CCDC33: variants seen among roughly 807,000 people sequenced by gnomAD.
The protein encoded by CCDC33 is coiled-coil domain containing 33.
In CCDC33, 94 loss-of-function variants were observed where a neutral mutation model predicts 91.9. The observed-to-expected ratio is 1.02, with a 90% confidence interval of 0.87 to 1.21. CCDC33 has a LOEUF of 1.21. CCDC33 is among the 50% of genes most tolerant of loss of function. CCDC33 has a pLI of 0.00. For missense variants in CCDC33, 940 were observed against 935.5 expected, an observed-to-expected ratio of 1.00 and a Z score of -0.06; for synonymous variants, 396 against 374.5, an observed-to-expected ratio of 1.06 and a Z score of -0.66.
At chr15:74,250,341 G>A (rs1021249195) in intron 2 of CCDC33, among the ~76,000 whole-genome samples, 23 of 151,984 alleles carry the variant, frequency 1.5e-4, no homozygotes, top group Admixed American at 1.2e-3. Flanking sequence ...GGTCTTTGCC[G>A]GCCCCTCCAG....
chr15:74,322,667 C>T (rs956276212), intron 11 of CCDC33, among the ~76,000 whole-genome samples: 9 of 152,188 alleles, frequency 5.9e-5, no homozygotes, highest in African/African-American at 2.2e-4. Context: ...AGAGACAGCT[C>T]CGCACACACC....
Position 74,322,730 on chromosome 15 carries a change from G to C in CCDC33, c.1291-7459G>C, listed in dbSNP as rs1037394606. Among the ~76,000 whole-genome samples the C allele has an allele frequency of 2.7e-4, 41 of 152,216 alleles. 1 individual carries two copies. Among genetic ancestry groups the C allele is most frequent in the Admixed American group, 2.7e-3 (41 of 15,282 alleles). ...TCAGGTTGGCCTCATCCCACCACAG[G>C]CTGAAGCTGAGTGTCTGTGGGAGGC... On this transcript the variant is annotated intron_variant, in intron 11 of 18. Coordinates refer to ENST00000398814, the MANE Select transcript of CCDC33 (RefSeq NM_025055.5).
chr15:74,305,863 G>A (rs1000417290), intron 11 of CCDC33, among the ~76,000 whole-genome samples: 8 of 142,612 alleles, frequency 5.6e-5, no homozygotes, highest in African/African-American at 2.2e-4. Flanking sequence ...CCCAAGAGCT[G>A]TGTGGCCTTG....
rs1322596337 is a variant in CCDC33 at position 74,313,476 on chromosome 15, T to A, written c.1291-16713T>A. On this transcript the variant is annotated intron_variant, in intron 11 of 18. Transcript: ENST00000398814. ...CTCTGTCATCCAGGCTGGAGTACAG[T>A]GGCGCGATCTCAGCTCACTGCAACC... 2.6e-4 allele frequency among the ~76,000 whole-genome samples: 36 copies of A among 139,926 alleles called. 1 individual carries two copies. The highest frequency in any genetic ancestry group is 3.8e-4 in the Non-Finnish European group (25 of 65,970). The allele number at this position is 139,926 out of a possible 152,430, so 91.8% of individuals were successfully genotyped here.
intron 1 of CCDC33, among the ~76,000 whole-genome samples, chr15:74,241,149 C>T (rs2075335425): frequency 1.3e-5 from 2 of 152,130 alleles, no homozygotes; most frequent in African/African-American, 4.8e-5. Flanking sequence ...AGGGGCAACC[C>T]TCATCAACAC....
chr15:74,281,720 G>A, intron 9 of CCDC33, 58 bp from the exon 10 acceptor site: 1 of 1,446,822 alleles, frequency 6.9e-7, no homozygotes, highest in Admixed American at 1.7e-5. Context: ...CAGTAGGTGG[G>A]GCAGAGGCGG....
chr15:74,224,010 C>T (rs1012305114), intron 2 of CCDC33, among the ~76,000 whole-genome samples: 8 of 152,116 alleles, frequency 5.3e-5, no homozygotes, highest in African/African-American at 1.7e-4. Flanking sequence ...AGCTGAGCCC[C>T]GTTAAAAGCT....
upstream of CCDC33, among the ~76,000 whole-genome samples, chr15:74,235,992 A>G (rs894805630): frequency 6.6e-6 from 1 of 152,208 alleles, no homozygotes; most frequent in Non-Finnish European, 1.5e-5. Context: ...AGGTACCCAA[A>G]GAGGCACGAT....
intron 11 of CCDC33, among the ~76,000 whole-genome samples, chr15:74,317,895 T>G (rs1234529977): frequency 1.4e-4 from 5 of 35,778 alleles, no homozygotes; most frequent in Admixed American, 4.0e-4. Context: ...TTGTTTTTTT[T>G]TTTTTTTTTT....
chr15:74,261,364 C>T (rs1329005135), intron 2 of CCDC33, among the ~76,000 whole-genome samples: 1 of 152,212 alleles, frequency 6.6e-6, no homozygotes, highest in Non-Finnish European at 1.5e-5. Flanking sequence ...AGGAGAGGAA[C>T]AAGCTGGGCT....
intron 2 of CCDC33, among the ~76,000 whole-genome samples, chr15:74,249,750 C>G (rs900338441): frequency 6.6e-6 from 1 of 152,118 alleles, no homozygotes; most frequent in African/African-American, 2.4e-5. Flanking sequence ...ATCAGACACC[C>G]AATCTTGCAA....
chr15:74,330,271 G>C lies in CCDC33; in HGVS notation c.1373G>C (p.Gly458Ala), dbSNP rs1443954053. 2.5e-6 allele frequency: 4 copies of C among 1,612,900 alleles called. No individual in the cohort carries two copies. Among genetic ancestry groups the C allele is most frequent in the Non-Finnish European group, 3.4e-6 (4 of 1,179,882 alleles). Residue 458 changes from glycine (G) to alanine (A), a missense_variant, in exon 12 of 19, where the codon GGA (glycine) becomes GCA (alanine). Physicochemically the swap from Gly to Ala is moderately conservative, Grantham distance 60. Transcript: ENST00000398814. Reference sequence around the variant, plus strand: ...CGGAGACAGGCCAGCATCCTGGAAGGAGAGAACCGCATACTGAGGAGCCGC... The same window carrying C: ...CGGAGACAGGCCAGCATCCTGGAAGCAGAGAACCGCATACTGAGGAGCCGC... The part of the protein sequence containing the change: ...SLRRQASILE[G>A]ENRILRSRLA...
intron 11 of CCDC33, among the ~76,000 whole-genome samples, chr15:74,308,601 G>T (rs537966133): frequency 5.9e-5 from 9 of 152,304 alleles, no homozygotes; most frequent in South Asian, 2.1e-4. Flanking sequence ...CTTCAAGGAG[G>T]GGGGACAGCG....
rs1205128405 is a variant in CCDC33, at chr15:74,313,304, G to A, written c.1291-16885G>A. ...TTTCCCTTGGCTCTCTCCCCATCCC[G>A]AGGTTTTGGGCAGCCAACATCCCAG... On this transcript the variant is annotated intron_variant, in intron 11 of 18. Coordinates refer to ENST00000398814, the MANE Select transcript of CCDC33 (RefSeq NM_025055.5). Among the ~76,000 whole-genome samples the A allele has an allele frequency of 3.3e-5, 5 of 152,018 alleles. No homozygotes were observed. The East Asian group carries it at 5.8e-4, about 18-fold the overall frequency.
chr15:74,335,680 G>A (rs1281013875), intron 18 of CCDC33: 2 of 452,698 alleles, frequency 4.4e-6, no homozygotes, highest in Admixed American at 7.0e-5. Flanking sequence ...CCTGGGAAAG[G>A]CCTGGAAAGG....
chr15:74,203,332 C>T (rs1041053897), intron 1 of CCDC33: 3 of 406,940 alleles, frequency 7.4e-6, no homozygotes, highest in African/African-American at 6.5e-5. Context: ...CCTCCTGCTC[C>T]TCCTGGAGTG....
rs80111895 is a variant in CCDC33, at chr15:74,288,986, G to A, written c.1096-6768G>A. Among the ~76,000 whole-genome samples the A allele has an allele frequency of 1.1e-3, 170 of 152,258 alleles. 1 individual carries two copies. The highest frequency in any genetic ancestry group is 3.9e-3 in the African/African-American group (164 of 41,542). Reference sequence around the variant, plus strand: ...CTAGCACAGTGTCCTGCAGATGCTCGGTAAAGGGATCTCTTAGTGTCTTTC... The same window carrying A: ...CTAGCACAGTGTCCTGCAGATGCTCAGTAAAGGGATCTCTTAGTGTCTTTC... On this transcript the variant is annotated intron_variant, in intron 10 of 18. Coordinates refer to ENST00000398814, the MANE Select transcript of CCDC33 (RefSeq NM_025055.5).
chr15:74,270,739 C>T (rs2076291515), intron 5 of CCDC33, among the ~76,000 whole-genome samples: 1 of 152,098 alleles, frequency 6.6e-6, no homozygotes, highest in Non-Finnish European at 1.5e-5. Context: ...TGGGGACAGA[C>T]TCCCTGTCTC....
chr15:74,320,794 T>A (rs1423712271), intron 11 of CCDC33, among the ~76,000 whole-genome samples: 1 of 152,194 alleles, frequency 6.6e-6, no homozygotes, highest in Non-Finnish European at 1.5e-5. Flanking sequence ...GCCGCTTCGA[T>A]ATCCCACCCA....
Sources: allele counts gnomAD v4.1 joint callset (sites outside exome capture counted in the v4.1 genomes callset), GRCh38; gene constraint gnomAD v4.1.1; transcripts MANE v1.5; gene names NCBI Gene and HGNC (gene_info 2026-07-23, HGNC 2026-07-21).